The following TMEM63C variants were observed in gnomAD, a reference collection of about 807,000 sequenced individuals.
TMEM63C encodes the protein transmembrane protein 63C, also known as osmosensitive cation channel TMEM63C.
Under a neutral mutation model 99.2 loss-of-function variants are expected in TMEM63C, and 32 were observed. The observed-to-expected ratio is 0.32, with a 90% CI of 0.24 to 0.43. The LOEUF (loss-of-function observed/expected upper bound fraction) is 0.43. Among genes scored for constraint, TMEM63C ranks in the 20% least tolerant of loss-of-function variants. The probability of loss-of-function intolerance (pLI) is 1.00; values close to 1 mark genes in which losing one functional copy is unlikely to be tolerated. For missense variants in TMEM63C, 826 were observed against 1,053.0 expected (o/e 0.78, Z 2.98); for synonymous variants, 376 against 397.9 (o/e 0.94, Z 0.66).
intron 1 of TMEM63C, among the ~76,000 whole-genome samples, chr14:77,203,224 A>G (rs2140098453): frequency 6.6e-6 from 1 of 151,956 alleles, no homozygotes; most frequent in East Asian, 1.9e-4. Flanking sequence ...CTAAAAATAC[A>G]AAAATTAGCC....
At chr14:77,220,852 C>T in intron 5 of TMEM63C, among the ~76,000 whole-genome samples, 1 of 150,306 alleles carries the variant, frequency 6.7e-6, no homozygotes, top group Non-Finnish European at 1.5e-5. Context: ...CACTTCCTCA[C>T]CTCTCACTCA....
chr14:77,242,300 C>T (rs746656583), intron 13 of TMEM63C, 47 bp from the exon 14 acceptor site: 3 of 1,580,404 alleles, frequency 1.9e-6, no homozygotes, highest in South Asian at 2.2e-5. Context: ...TAAGCCCATC[C>T]CCCCACCCCC....
chr14:77,241,103 A>G (rs1332995961), intron 13 of TMEM63C, among the ~76,000 whole-genome samples: 1 of 151,934 alleles, frequency 6.6e-6, no homozygotes, highest in Non-Finnish European at 1.5e-5. Context: ...GGTGCCTGCC[A>G]CCATGCCCGG....
chr14:77,205,270 A>T lies in TMEM63C; in HGVS notation c.-76-8176A>T, dbSNP rs571594409. On this transcript the variant is annotated intron_variant, in intron 1 of 23. Transcript: ENST00000298351. ...GCTGGCCAAGTTAAGGAGAGCGAAG[A>T]AAGCCCTTCTAGCTGATTCCATCAC... Among the ~76,000 whole-genome samples, 9 of 152,320 alleles carry T rather than the reference A, an allele frequency of 5.9e-5. No homozygotes were observed. The South Asian group carries it at 1.9e-3, about 32-fold the overall frequency.
At chr14:77,222,155 G>A (rs1298389313) in intron 5 of TMEM63C, among the ~76,000 whole-genome samples, 2 of 152,294 alleles carry the variant, frequency 1.3e-5, no homozygotes, top group East Asian at 3.9e-4. Context: ...CCTCCATATG[G>A]ATATTGTAGT....
At chr14:77,199,266 T>C (rs540301476) in intron 1 of TMEM63C, among the ~76,000 whole-genome samples, 1 of 152,290 alleles carries the variant, frequency 6.6e-6, no homozygotes, top group African/African-American at 2.4e-5. Context: ...CATGAGATTC[T>C]AGGATAGGAG....
chr14:77,257,026 T>C lies in TMEM63C; in HGVS notation c.*300T>C. 1 of 341,980 alleles carries C rather than the reference T, an allele frequency of 2.9e-6. No individual in the cohort carries two copies. The highest frequency in any genetic ancestry group is 4.9e-5 in the South Asian group (1 of 20,380). The allele number at this position is 341,980 out of a possible 1,614,324, so 21.2% of individuals were successfully genotyped here. A position where few individuals can be genotyped will look rare whatever the true frequency, so the allele number is the denominator to read the frequency against. Reference sequence around the variant, plus strand: ...CACAGAGACTGAACGCTGGGGTCCCTTCCTGGGACCAAGATGGAGAAGGTG... The same window carrying C: ...CACAGAGACTGAACGCTGGGGTCCCCTCCTGGGACCAAGATGGAGAAGGTG... On this transcript the variant is annotated 3_prime_UTR_variant, in exon 24 of 24. Transcript: ENST00000298351.
intron 1 of TMEM63C, chr14:77,212,401 GT>G (rs907141953): frequency 6.6e-6 from 1 of 152,224 alleles, no homozygotes; most frequent in African/African-American, 2.4e-5. Flanking sequence ...TACTGTGAAA[GT>G]GATGTCTAAA....
At chr14:77,239,528 G>C in intron 11 of TMEM63C, 36 bp downstream of exon 11, 3 of 1,612,288 alleles carry the variant, frequency 1.9e-6, no homozygotes, top group Non-Finnish European at 2.5e-6. Context: ...GGCCCGGGGT[G>C]GGGGTAAAAG....
At chr14:77,218,133 TC>T (rs2048060410) in intron 2 of TMEM63C, among the ~76,000 whole-genome samples, 1 of 151,948 alleles carries the variant, frequency 6.6e-6, no homozygotes, top group South Asian at 2.1e-4. Context: ...GATGGATACC[TC>T]ATTTATCCTG....
intron 5 of TMEM63C, among the ~76,000 whole-genome samples, chr14:77,222,291 C>G (rs921557521): frequency 6.6e-6 from 1 of 152,164 alleles, no homozygotes; most frequent in Non-Finnish European, 1.5e-5. Context: ...TACCCAGGTC[C>G]CCAAGCATAG....
In TMEM63C at chr14:77,214,984, T is replaced by G. The variant is rs186073662; in HGVS notation, c.-14+1476T>G. ...CAAATTCCACAGCAAATCATTACAA[T>G]TATTCACCTGCTACACCCTCAACCC... On this transcript the variant is annotated intron_variant, in intron 2 of 23. Coordinates refer to ENST00000298351, the MANE Select transcript of TMEM63C (RefSeq NM_020431.4). Among the ~76,000 whole-genome samples the G allele has an allele frequency of 2.9e-3, 441 of 152,292 alleles. 4 individuals carry two copies. The highest frequency in any genetic ancestry group is 1.5e-3 in the Non-Finnish European group (105 of 68,004).
intron 1 of TMEM63C, among the ~76,000 whole-genome samples, chr14:77,185,584 T>A (rs1429324464): frequency 6.6e-6 from 1 of 152,174 alleles, no homozygotes; most frequent in Non-Finnish European, 1.5e-5. Flanking sequence ...CCATTGGGTT[T>A]TGGGTGTTGA....
chr14:77,189,558 A>G (rs1888066610), intron 1 of TMEM63C, among the ~76,000 whole-genome samples: 1 of 152,268 alleles, frequency 6.6e-6, no homozygotes, highest in African/African-American at 2.4e-5. Flanking sequence ...GGGAAAAGGA[A>G]GGACTTCTAA....
chr14:77,233,344 A>G (rs1167242985), intron 7 of TMEM63C, 108 bp from the exon 8 acceptor site: 1 of 1,173,190 alleles, frequency 8.5e-7, no homozygotes, highest in Non-Finnish European at 1.2e-6. Flanking sequence ...AGAGGAGGTC[A>G]AAGGCAAGCA....
chr14:77,254,580 C>T (rs1225339688), intron 23 of TMEM63C, among the ~76,000 whole-genome samples: 7 of 152,140 alleles, frequency 4.6e-5, no homozygotes, highest in African/African-American at 1.4e-4. Flanking sequence ...TTGCTGTTTT[C>T]GCTCTTAATC....
intron 6 of TMEM63C, among the ~76,000 whole-genome samples, chr14:77,225,956 C>A (rs1171527250): frequency 6.6e-6 from 1 of 151,950 alleles, no homozygotes; most frequent in Non-Finnish European, 1.5e-5. Flanking sequence ...CCCCACTTTG[C>A]AAGCAAGCAG....
intron 1 of TMEM63C, among the ~76,000 whole-genome samples, chr14:77,198,716 G>A (rs1195596147): frequency 2.0e-5 from 3 of 152,160 alleles, no homozygotes; most frequent in Admixed American, 2.0e-4. Flanking sequence ...GGCAGGAGCA[G>A]GAAACAGTTC....
intron 15 of TMEM63C, 115 bp downstream of exon 15, chr14:77,243,171 G>A (rs983190321): frequency 2.6e-5 from 32 of 1,247,738 alleles, no homozygotes; most frequent in Non-Finnish European, 3.1e-5. Context: ...CATACAGTGC[G>A]AACATTGTGG....
Sources: gnomAD v4.1 joint callset for allele counts (sites outside exome capture counted in the v4.1 genomes callset) on GRCh38, gnomAD v4.1.1 for gene constraint, MANE v1.5 for transcripts, NCBI Gene and HGNC (gene_info 2026-07-23, HGNC 2026-07-21) for gene names.